ANO10: variants seen among roughly 807,000 people sequenced by gnomAD.
ANO10 encodes the protein anoctamin-10.
Under a neutral mutation model 74.7 loss-of-function variants are expected in ANO10, and 77 were observed. That is an observed-to-expected ratio of 1.03 (90% CI 0.86 to 1.25). The LOEUF is 1.25. ANO10 is among the 50% of genes most tolerant of loss of function. The pLI is 0.00. For synonymous variants in ANO10, 279 were observed against 284.9 expected (o/e 0.98, Z 0.21); for missense variants, 721 against 778.1 (o/e 0.93, Z 0.87).
chr3:43,649,344 A>T (rs1327444053), intron 1 of ANO10, among the ~76,000 whole-genome samples: 5 of 152,214 alleles, frequency 3.3e-5, no homozygotes, highest in African/African-American at 1.2e-4. Context: ...TAAGTACAAA[A>T]TGTAGCCTTA....
chr3:43,480,970 T>TATTGTATAATA (rs1553683428), intron 11 of ANO10, among the ~76,000 whole-genome samples: 2 of 10,182 alleles, frequency 2.0e-4, no homozygotes, highest in Non-Finnish European at 4.4e-4. Context: ...TACATTGTAT[T>TATTGTATAATA]ATTGTATAAT....
At chr3:43,551,578 C>T (rs754477008) in intron 10 of ANO10, 9 of 456,772 alleles carry the variant, frequency 2.0e-5, no homozygotes, top group South Asian at 1.4e-4. Flanking sequence ...TGTGTCCAAA[C>T]AAAATATGAT....
chr3:43,624,567 G>C (rs752627615), upstream of ANO10, among the ~76,000 whole-genome samples: 16 of 152,188 alleles, frequency 1.1e-4, no homozygotes, highest in Non-Finnish European at 2.1e-4. Context: ...CCCCTTTGCT[G>C]TCTGCCATGA....
chr3:43,680,285 G>A (rs1286709368), intron 1 of ANO10, among the ~76,000 whole-genome samples: 2 of 152,198 alleles, frequency 1.3e-5, no homozygotes, highest in African/African-American at 2.4e-5. Context: ...ACTATGTGAC[G>A]AATGCACAAG....
intron 11 of ANO10, among the ~76,000 whole-genome samples, chr3:43,479,505 T>A (rs531438250): frequency 1.3e-5 from 2 of 152,036 alleles, no homozygotes; most frequent in Non-Finnish European, 2.9e-5. Context: ...TCTAATGAAA[T>A]GTGATTGGTA....
intron 4 of ANO10, among the ~76,000 whole-genome samples, chr3:43,594,986 T>G (rs932880688): frequency 2.0e-5 from 3 of 152,152 alleles, no homozygotes; most frequent in African/African-American, 7.2e-5. Context: ...TATGAACAAC[T>G]CTACGCAAAT....
At chr3:43,574,775 A>G in intron 7 of ANO10, 34 bp downstream of exon 7, 1 of 1,557,058 alleles carries the variant, frequency 6.4e-7, no homozygotes, top group Non-Finnish European at 8.9e-7. Flanking sequence ...TACCAGTTTC[A>G]TAAAATGGAT....
At chr3:43,607,357 A>C (rs1010801784) in intron 1 of ANO10, among the ~76,000 whole-genome samples, 3 of 151,644 alleles carry the variant, frequency 2.0e-5, no homozygotes, top group African/African-American at 7.3e-5. Flanking sequence ...CAAAACAAAC[A>C]AACAAAAAAA....
At chr3:43,669,735 T>G (rs2084034541) in intron 1 of ANO10, among the ~76,000 whole-genome samples, 1 of 152,028 alleles carries the variant, frequency 6.6e-6, no homozygotes, top group African/African-American at 2.4e-5. Context: ...TTTATTTATT[T>G]ATTTATTTAG....
At chr3:43,686,199 G>A (rs548722392) in intron 1 of ANO10, among the ~76,000 whole-genome samples, 109 of 152,054 alleles carry the variant, frequency 7.2e-4, no homozygotes, top group African/African-American at 2.5e-3. Context: ...ATCCTCTCCC[G>A]TCCCTACCCC....
intron 11 of ANO10, among the ~76,000 whole-genome samples, chr3:43,535,370 G>T (rs1316858235): frequency 6.6e-6 from 1 of 151,332 alleles, no homozygotes; most frequent in Non-Finnish European, 1.5e-5. Context: ...CTGCCTCCAG[G>T]GTTCAAGCGA....
chr3:43,544,368 T>C (rs1249764995), intron 11 of ANO10, among the ~76,000 whole-genome samples: 9 of 152,090 alleles, frequency 5.9e-5, no homozygotes, highest in Non-Finnish European at 1.3e-4. Context: ...GTGTCATCAA[T>C]TTTTAAAGGC....
chr3:43,426,447 G>T (rs548514619), intron 12 of ANO10, among the ~76,000 whole-genome samples: 5 of 152,322 alleles, frequency 3.3e-5, no homozygotes, highest in African/African-American at 1.2e-4. Context: ...TGAGGCCCCT[G>T]AGAGCTATAA....
intron 11 of ANO10, among the ~76,000 whole-genome samples, chr3:43,531,962 G>T (rs1255980254): frequency 6.6e-6 from 1 of 151,224 alleles, no homozygotes; most frequent in Admixed American, 6.6e-5. Flanking sequence ...CAAGCTCAGT[G>T]ATGCTTCACC....
chr3:43,448,873 CTT>C (rs35711363), intron 11 of ANO10, among the ~76,000 whole-genome samples: 10 of 134,246 alleles, frequency 7.4e-5, no homozygotes, highest in Admixed American at 1.5e-4. Context: ...TTCTTTCTTT[CTT>C]TTTTTTTTTT....
chr3:43,609,231 G>C (rs2082700036), intron 1 of ANO10, among the ~76,000 whole-genome samples: 1 of 152,162 alleles, frequency 6.6e-6, no homozygotes, highest in African/African-American at 2.4e-5. Context: ...AGTCATTAGA[G>C]ATATCCAAAT....
In ANO10 at chr3:43,448,873, C is replaced by CTTTCT. The variant is rs1553667350; in HGVS notation, c.1798-16147_1798-16146insAGAAA. 3.2e-3 allele frequency among the ~76,000 whole-genome samples: 436 copies of CTTTCT among 134,258 alleles called. 1 individual carries two copies. The highest frequency in any genetic ancestry group is 0.028 in the East Asian group (132 of 4,680). 88.1% of individuals were successfully genotyped at this position (134,258 alleles called of 152,430 possible). A position where few individuals can be genotyped will look rare whatever the true frequency, so the allele number is the denominator to read the frequency against. On this transcript the variant is annotated intron_variant, in intron 11 of 12. Transcript: ENST00000292246. ...GTTTTCTTTCTTTCTTTCTTTCTTT[C>CTTTCT]TTTTTTTTTTTTTTTGGAGACAGAG...
intron 12 of ANO10, among the ~76,000 whole-genome samples, chr3:43,421,402 A>G (rs2092817917): frequency 6.6e-6 from 1 of 152,088 alleles, no homozygotes; most frequent in South Asian, 2.1e-4. Context: ...GTGCACACCT[A>G]TAGTCCTAGC....
intron 8 of ANO10, among the ~76,000 whole-genome samples, chr3:43,564,658 A>G (rs1486153743): frequency 6.6e-6 from 1 of 152,190 alleles, no homozygotes; most frequent in Non-Finnish European, 1.5e-5. Flanking sequence ...GGCTATTATA[A>G]TGCTGGTGCT....
Sources: allele counts gnomAD v4.1 joint callset (sites outside exome capture counted in the v4.1 genomes callset), GRCh38; gene constraint gnomAD v4.1.1; transcripts MANE v1.5; gene names NCBI Gene and HGNC (gene_info 2026-07-23, HGNC 2026-07-21).